The following EXOSC7 variants were observed in gnomAD, a reference collection of about 807,000 sequenced individuals.
The protein encoded by EXOSC7 is exosome complex component RRP42.
In EXOSC7, 25 loss-of-function variants were observed where a neutral mutation model predicts 34.3. The observed-to-expected ratio is 0.73, with a 90% CI of 0.53 to 1.02. The LOEUF (loss-of-function observed/expected upper bound fraction) is 1.02, where lower values mean the gene tolerates loss of function less well. Ranked by LOEUF, EXOSC7 falls within the 50% of genes least tolerant of loss-of-function variation. The pLI, the probability that EXOSC7 is intolerant of heterozygous loss-of-function variation, is 0.00. For missense variants in EXOSC7, 370 were observed against 368.5 expected, an observed-to-expected ratio of 1.00 and a Z score of -0.03; for synonymous variants, 130 against 143.0, an observed-to-expected ratio of 0.91 and a Z score of 0.65.
intron 1 of EXOSC7, among the ~76,000 whole-genome samples, chr3:44,977,909 C>T (rs1427791288): frequency 6.6e-6 from 1 of 152,206 alleles, no homozygotes; most frequent in African/African-American, 2.4e-5. Context: ...TTCTCCCCAG[C>T]ACCCTTAATT....
chr3:44,980,151 T>C (rs887783495), intron 1 of EXOSC7, among the ~76,000 whole-genome samples: 2 of 151,822 alleles, frequency 1.3e-5, no homozygotes, highest in Non-Finnish European at 2.9e-5. Flanking sequence ...GGCCACTAGA[T>C]TGGGGGTGAG....
At chr3:45,000,329 A>G (rs777843002) in intron 4 of EXOSC7, among the ~76,000 whole-genome samples, 1 of 152,224 alleles carries the variant, frequency 6.6e-6, no homozygotes, top group Non-Finnish European at 1.5e-5. Flanking sequence ...GATGAACAAA[A>G]CTACAGAGTC....
chr3:44,998,097 G>A (rs574500975), intron 4 of EXOSC7, among the ~76,000 whole-genome samples: 52 of 149,372 alleles, frequency 3.5e-4, no homozygotes, highest in African/African-American at 1.2e-3. Flanking sequence ...GTGCAATGGC[G>A]TGATCTTGGC....
intron 3 of EXOSC7, among the ~76,000 whole-genome samples, chr3:44,992,992 C>T (rs900061653): frequency 5.3e-5 from 8 of 152,130 alleles, no homozygotes; most frequent in African/African-American, 1.9e-4. Flanking sequence ...TAAAATTGAA[C>T]CAGAATCTTC....
chr3:44,997,358 C>A, intron 4 of EXOSC7, 106 bp downstream of exon 4: 1 of 1,033,296 alleles, frequency 9.7e-7, no homozygotes. Flanking sequence ...ATGCTTTCAA[C>A]TTATAGGGTG....
chr3:45,001,782 A>G, intron 5 of EXOSC7, 174 bp downstream of exon 5: 2 of 584,084 alleles, frequency 3.4e-6, no homozygotes, highest in Non-Finnish European at 6.1e-6. Context: ...TTCGTGAATT[A>G]AAACTACATA....
chr3:44,992,762 G>T (rs1191213083), intron 3 of EXOSC7, among the ~76,000 whole-genome samples: 1 of 152,168 alleles, frequency 6.6e-6, no homozygotes, highest in Non-Finnish European at 1.5e-5. Flanking sequence ...GTCACCCTGC[G>T]CTGCCACTAG....
intron 1 of EXOSC7, among the ~76,000 whole-genome samples, chr3:44,982,418 T>C (rs6441875): frequency 0.6 from 91,467 of 152,026 alleles, 28,305 homozygotes; most frequent in East Asian, 0.89. Context: ...GTGCTATGGC[T>C]ATGACCTGGA....
intron 3 of EXOSC7, 63 bp downstream of exon 3, chr3:44,989,707 A>G: frequency 7.4e-7 from 1 of 1,353,478 alleles, no homozygotes; most frequent in Non-Finnish European, 1.0e-6. Flanking sequence ...GATTCAGAAA[A>G]TGAACCTCTG....
chr3:44,987,862 A>G (rs1406589667), intron 1 of EXOSC7, among the ~76,000 whole-genome samples: 1 of 152,240 alleles, frequency 6.6e-6, no homozygotes, highest in Non-Finnish European at 1.5e-5. Context: ...ACAAATAAGA[A>G]ACAGAGGAAG....
chr3:44,977,664 T>G (rs879113567), intron 1 of EXOSC7, among the ~76,000 whole-genome samples: 1 of 152,252 alleles, frequency 6.6e-6, no homozygotes, highest in Admixed American at 6.5e-5. Flanking sequence ...GATATGTCTT[T>G]CCCTGCTATA....
At position 45,001,535 on chromosome 3, in the gene EXOSC7, T is replaced by G; in HGVS notation, c.421-3T>G. On this transcript the variant is annotated splice_polypyrimidine_tract_variant and splice_region_variant and intron_variant, in intron 4 of 7. Coordinates refer to ENST00000265564, the MANE Select transcript of EXOSC7 (RefSeq NM_015004.4). ...TTCCTTTTTCAATTCCTGTCTCCCTTAGCTTCTGGAATGTGGTGGAAATTT... is the reference window on the plus strand; with the variant it reads ...TTCCTTTTTCAATTCCTGTCTCCCTGAGCTTCTGGAATGTGGTGGAAATTT... The G allele has an allele frequency of 6.2e-7, 1 of 1,611,612 alleles. No homozygotes were observed.
intron 5 of EXOSC7, among the ~76,000 whole-genome samples, chr3:45,003,507 C>G (rs889214252): frequency 3.7e-4 from 56 of 152,288 alleles, no homozygotes; most frequent in Middle Eastern, 3.4e-3. Flanking sequence ...CTCCCCTGAT[C>G]TGATCTAGAT....
chr3:44,997,279 A>G (rs952606413), intron 4 of EXOSC7, 27 bp downstream of exon 4: 12 of 1,571,680 alleles, frequency 7.6e-6, no homozygotes, highest in Middle Eastern at 1.9e-4. Flanking sequence ...TGTACTGGCC[A>G]CATTCTACCT....
intron 6 of EXOSC7, among the ~76,000 whole-genome samples, chr3:45,005,616 A>C (rs1449347290): frequency 6.6e-6 from 1 of 152,236 alleles, no homozygotes; most frequent in Non-Finnish European, 1.5e-5. Context: ...ATTGGAAGAT[A>C]TGATGTGGTC....
At chr3:45,000,632 AGTAAT>A (rs1472387512) in intron 4 of EXOSC7, among the ~76,000 whole-genome samples, 1 of 152,256 alleles carries the variant, frequency 6.6e-6, no homozygotes, top group Non-Finnish European at 1.5e-5. Flanking sequence ...CTTCATTATA[AGTAAT>A]GTAAAACATG....
intron 3 of EXOSC7, 147 bp downstream of exon 3, chr3:44,989,791 C>T: frequency 1.6e-6 from 1 of 637,172 alleles, no homozygotes; most frequent in East Asian, 2.8e-5. Context: ...CTCCTATGTG[C>T]CAGGTACATA....
At position 45,001,312 on chromosome 3, in the gene EXOSC7, G is replaced by A. The variant is rs954429064; in HGVS notation, c.421-226G>A. ...ACAAAAATTAGCTGGGGGTGGTGGCGCACACGTGTAATCCCAGCTATTCGG... is the reference window on the plus strand; with the variant it reads ...ACAAAAATTAGCTGGGGGTGGTGGCACACACGTGTAATCCCAGCTATTCGG... On this transcript the variant is annotated intron_variant, in intron 4 of 7. Coordinates refer to ENST00000265564, the MANE Select transcript of EXOSC7 (RefSeq NM_015004.4). 6.6e-5 allele frequency among the ~76,000 whole-genome samples: 10 copies of A among 151,876 alleles called. No homozygotes were observed. In the East Asian group the frequency reaches 9.7e-4, roughly 15 times the overall value.
At chr3:44,990,852 GGATGCCA>G (rs1381974901) in intron 3 of EXOSC7, among the ~76,000 whole-genome samples, 6 of 152,280 alleles carry the variant, frequency 3.9e-5, no homozygotes, top group African/African-American at 1.4e-4. Context: ...CCAGGTTCCC[GGATGCCA>G]GCCAAGGGCC....
Sources: gnomAD v4.1 joint callset for allele counts (sites outside exome capture counted in the v4.1 genomes callset) on GRCh38, gnomAD v4.1.1 for gene constraint, MANE v1.5 for transcripts, NCBI Gene and HGNC (gene_info 2026-07-23, HGNC 2026-07-21) for gene names.